Variants in KANK1 observed in about 807,000 individuals in gnomAD.
KANK1 encodes the protein KN motif and ankyrin repeat domain-containing protein 1.
A neutral mutation model predicts 106.2 loss-of-function variants in KANK1; 109 were observed. That is an observed-to-expected ratio of 1.03 (90% CI 0.88 to 1.20). KANK1 has a LOEUF of 1.20. Among genes scored for constraint, KANK1 ranks in the 50% most tolerant of loss-of-function variants. The pLI, the probability that KANK1 is intolerant of heterozygous loss-of-function variation, is 0.00. For synonymous variants in KANK1, 873 were observed against 652.2 expected, an observed-to-expected ratio of 1.34 and a Z score of -5.16; for missense variants, 2,399 against 1,710.7, an observed-to-expected ratio of 1.40 and a Z score of -7.10.
chr9:657,003 A>G (rs1296011392), intron 1 of KANK1, among the ~76,000 whole-genome samples: 2 of 152,080 alleles, frequency 1.3e-5, no homozygotes, highest in South Asian at 2.1e-4. Flanking sequence ...TTTCCATTTC[A>G]CATGACTAAA....
Position 742,185 on chromosome 9 carries a change from C to T in KANK1, c.3697-20C>T, listed in dbSNP as rs779437357. 1.6e-5 allele frequency: 26 copies of T among 1,611,928 alleles called. No homozygotes were observed. The highest frequency in any genetic ancestry group is 2.0e-5 in the Non-Finnish European group (24 of 1,178,378). On this transcript the variant is annotated intron_variant, in intron 9 of 11. Transcript: ENST00000382297. ...CAGCTCAGTACGTACTTCTGAAGTC[C>T]TTGTCATCTCTTCCCATAGGCGGGA...
At chr9:704,793 CA>C (rs1184358096) in intron 2 of KANK1, among the ~76,000 whole-genome samples, 2 of 151,858 alleles carry the variant, frequency 1.3e-5, no homozygotes, top group African/African-American at 2.4e-5. Context: ...CCAGCCTGAG[CA>C]AAATAGCAAG....
chr9:559,332 T>C (rs1815754290), intron 1 of KANK1, among the ~76,000 whole-genome samples: 1 of 152,286 alleles, frequency 6.6e-6, no homozygotes, highest in East Asian at 1.9e-4. Context: ...ACACTGTCAT[T>C]CACTTGTGAT....
At position 514,914 on chromosome 9, in the gene KANK1, G is replaced by C. The variant is rs904917498; in HGVS notation, c.-84+10160G>C. Among the ~76,000 whole-genome samples the C allele has an allele frequency of 5.9e-5, 9 of 151,896 alleles. No individual in the cohort carries two copies. The East Asian group carries it at 1.3e-3, about 23-fold the overall frequency. On this transcript the variant is annotated intron_variant, in intron 1 of 11. Coordinates refer to ENST00000382297, the MANE Select transcript of KANK1 (RefSeq NM_015158.5). Reference sequence around the variant, plus strand: ...GTGTATGAGTTTCAGTTGCACCACAGTGCTTGTTATTGTCTGTTGTCTTAT... The same window carrying C: ...GTGTATGAGTTTCAGTTGCACCACACTGCTTGTTATTGTCTGTTGTCTTAT...
At chr9:673,725 C>A (rs1437275482) in intron 1 of KANK1, 4 of 152,130 alleles carry the variant, frequency 2.6e-5, no homozygotes, top group African/African-American at 9.7e-5. Flanking sequence ...GGGCACATCT[C>A]CATCCAAATA....
At chr9:611,314 C>G (rs937756137) in intron 1 of KANK1, among the ~76,000 whole-genome samples, 2 of 152,210 alleles carry the variant, frequency 1.3e-5, no homozygotes, top group Non-Finnish European at 1.5e-5. Flanking sequence ...GGGCCAGTTC[C>G]TCACCGACTC....
At chr9:703,853 A>T (rs536308960) in intron 2 of KANK1, among the ~76,000 whole-genome samples, 2 of 152,136 alleles carry the variant, frequency 1.3e-5, no homozygotes, top group African/African-American at 4.8e-5. Flanking sequence ...CTGGGATTAC[A>T]GGTGCACACC....
chr9:736,134 A>G (rs56088112), intron 7 of KANK1, among the ~76,000 whole-genome samples: 26,648 of 152,006 alleles, frequency 0.18, 5,069 homozygotes, highest in African/African-American at 0.48. Context: ...ATTTTTTTGT[A>G]TTTTTAGTAG....
At chr9:657,978 C>G (rs1485197890) in intron 1 of KANK1, among the ~76,000 whole-genome samples, 2 of 151,868 alleles carry the variant, frequency 1.3e-5, no homozygotes, top group African/African-American at 4.8e-5. Flanking sequence ...ACTACAGCCT[C>G]GAACTCCTGT....
intron 1 of KANK1, among the ~76,000 whole-genome samples, chr9:613,380 C>T (rs939797993): frequency 2.6e-5 from 4 of 151,480 alleles, no homozygotes; most frequent in African/African-American, 9.7e-5. Flanking sequence ...GCTTGTCCAA[C>T]CCATGGCCCA....
intron 1 of KANK1, among the ~76,000 whole-genome samples, chr9:642,003 C>T (rs867662286): frequency 2.0e-5 from 3 of 152,128 alleles, no homozygotes; most frequent in Non-Finnish European, 4.4e-5. Flanking sequence ...CCACCACACA[C>T]CCCCCAGCAC....
intron 1 of KANK1, among the ~76,000 whole-genome samples, chr9:673,104 T>A (rs989460881): frequency 1.3e-5 from 2 of 151,988 alleles, no homozygotes; most frequent in Non-Finnish European, 2.9e-5. Flanking sequence ...AGGCCGCCTG[T>A]CAGCATGAAT....
In KANK1 at chr9:732,558, G is replaced by C; in HGVS notation, c.3186G>C (p.Arg1062Ser). 1 of 1,614,136 alleles carries C rather than the reference G, an allele frequency of 6.2e-7. No individual in the cohort carries two copies. The highest frequency in any genetic ancestry group is 2.2e-5 in the East Asian group (1 of 44,886). Residue 1062 changes from arginine (R) to serine (S), a missense_variant, in exon 6 of 12, where the codon AGG becomes AGC. Coordinates refer to ENST00000382297, the MANE Select transcript of KANK1 (RefSeq NM_015158.5). The part of the protein sequence containing the change: ...AVNIEGLKSA[R>S]VEDEMQVQEC... ...ATATTGAAGGTTTGAAGTCTGCCAGGGTGGAAGATGAAATGCAGGTTCAAG... is the reference window on the plus strand; with the variant it reads ...ATATTGAAGGTTTGAAGTCTGCCAGCGTGGAAGATGAAATGCAGGTTCAAG...
At chr9:709,969 T>C (rs888966986) in intron 2 of KANK1, among the ~76,000 whole-genome samples, 4 of 152,200 alleles carry the variant, frequency 2.6e-5, no homozygotes, top group African/African-American at 7.2e-5. Context: ...GGACTTACTA[T>C]GTGCTTGTCT....
At chr9:662,345 C>G (rs7861122) in intron 1 of KANK1, among the ~76,000 whole-genome samples, 127,572 of 152,152 alleles carry the variant, frequency 0.84, 53,628 homozygotes, top group East Asian at 0.97. Flanking sequence ...TCATATGGAA[C>G]CAAAAAAGAG....
chr9:527,080 G>A (rs1343586453), intron 1 of KANK1, among the ~76,000 whole-genome samples: 1 of 151,588 alleles, frequency 6.6e-6, no homozygotes, highest in East Asian at 1.9e-4. Context: ...CTTGTTTTAA[G>A]TACCTGTCAC....
At chr9:600,637 C>T (rs748016318) in intron 1 of KANK1, among the ~76,000 whole-genome samples, 20 of 151,682 alleles carry the variant, frequency 1.3e-4, no homozygotes, top group Non-Finnish European at 2.6e-4. Context: ...CACATAAATG[C>T]TTCTTGGGCT....
intron 1 of KANK1, among the ~76,000 whole-genome samples, chr9:574,257 C>T (rs1268843810): frequency 6.6e-6 from 1 of 152,236 alleles, no homozygotes; most frequent in Non-Finnish European, 1.5e-5. Context: ...GTGGGCAGGG[C>T]CCCAGCGGTC....
At chr9:499,771 G>A (rs528913702), upstream of KANK1, among the ~76,000 whole-genome samples, 32 of 152,136 alleles carry the variant, frequency 2.1e-4, no homozygotes, top group African/African-American at 4.6e-4. Flanking sequence ...AAATGCATAC[G>A]AATTTGTTTA....
Sources: gnomAD v4.1 joint callset for allele counts (sites outside exome capture counted in the v4.1 genomes callset) on GRCh38, gnomAD v4.1.1 for gene constraint, MANE v1.5 for transcripts, NCBI Gene and HGNC (gene_info 2026-07-23, HGNC 2026-07-21) for gene names.